Variants in GLRA3 observed in about 807,000 individuals in gnomAD.
GLRA3 encodes the protein glycine receptor subunit alpha-3.
Under a neutral mutation model 60.4 loss-of-function variants are expected in GLRA3, and 44 were observed. The ratio of observed to expected loss-of-function variants is 0.73; its 90% CI spans 0.57 to 0.94. The LOEUF (loss-of-function observed/expected upper bound fraction) is 0.94, where lower values mean the gene tolerates loss of function less well. GLRA3 is among the 40% of genes least tolerant of loss of function. The pLI is 0.00. For synonymous variants in GLRA3, 223 were observed against 192.9 expected (o/e 1.16, Z -1.29); for missense variants, 508 against 564.6 (o/e 0.90, Z 1.02).
chr4:174,653,376 T>A (rs28521813), intron 9 of GLRA3, among the ~76,000 whole-genome samples: 19,552 of 151,900 alleles, frequency 0.13, 2,243 homozygotes, highest in African/African-American at 0.3. Flanking sequence ...AAATGGAAGG[T>A]CTAAAATAAT....
In GLRA3 at chr4:174,692,166, G is replaced by A. The variant is rs887713008; in HGVS notation, c.575-9227C>T. Among the ~76,000 whole-genome samples, 8 of 151,864 alleles carry A rather than the reference G, an allele frequency of 5.3e-5. No homozygotes were observed. The East Asian group carries it at 1.6e-3, about 30-fold the overall frequency. ...AGCCCCTCCGCCCAGCAGCCACCCT[G>A]TCTGGGAAGTGAGGAGCGTCTCCAC... On this transcript the variant is annotated intron_variant, in intron 5 of 9. Coordinates refer to ENST00000274093, the MANE Select transcript of GLRA3 (RefSeq NM_006529.4).
At chr4:174,770,303 A>G (rs1324694152) in intron 2 of GLRA3, among the ~76,000 whole-genome samples, 10 of 152,150 alleles carry the variant, frequency 6.6e-5, no homozygotes, top group Non-Finnish European at 1.3e-4. Context: ...TATGGCATGC[A>G]ACCAAGGCAT....
intron 3 of GLRA3, among the ~76,000 whole-genome samples, chr4:174,750,514 G>C (rs868063460): frequency 6.6e-6 from 1 of 151,968 alleles, no homozygotes; most frequent in Non-Finnish European, 1.5e-5. Context: ...CATTTACCAA[G>C]GGATTAAGAT....
intron 5 of GLRA3, among the ~76,000 whole-genome samples, chr4:174,710,243 T>C (rs1735668884): frequency 1.3e-5 from 2 of 152,052 alleles, no homozygotes; most frequent in African/African-American, 4.8e-5. Context: ...ACTTCTAAGG[T>C]TGTGTCTCTA....
At position 174,764,799 on chromosome 4, in the gene GLRA3, T is replaced by C. The variant is rs889371309; in HGVS notation, c.267+2164A>G. Among the ~76,000 whole-genome samples, 3 of 152,098 alleles carry C rather than the reference T, an allele frequency of 2.0e-5. No individual in the cohort carries two copies. In the East Asian group the frequency reaches 5.8e-4, roughly 29 times the overall value. ...ATAGAAATATACTAACAAGTTCTAA[T>C]TTTCTTTGTGCCTATATAGATGAAC... is the stretch of plus-strand genomic sequence containing the variant. On this transcript the variant is annotated intron_variant, in intron 3 of 9. Transcript: ENST00000274093.
intron 7 of GLRA3, among the ~76,000 whole-genome samples, chr4:174,673,438 A>T (rs1733984978): frequency 6.6e-6 from 1 of 151,988 alleles, no homozygotes. Context: ...AAGAAGGAGG[A>T]TTTTCCATAT....
At chr4:174,821,961 T>G (rs976429996) in intron 1 of GLRA3, among the ~76,000 whole-genome samples, 8 of 152,218 alleles carry the variant, frequency 5.3e-5, no homozygotes, top group Admixed American at 5.2e-4. Flanking sequence ...AGATGTCATC[T>G]CAGTGCTTAT....
Position 174,710,988 on chromosome 4 carries a change from A to C in GLRA3, c.574+4500T>G, listed in dbSNP as rs140395667. Among the ~76,000 whole-genome samples the C allele has an allele frequency of 6.5e-3, 984 of 152,054 alleles. 3 individuals are homozygous for C. Among genetic ancestry groups the C allele is most frequent in the Non-Finnish European group, 8.0e-3 (546 of 67,950 alleles). ...AGAAATTTTGATATATTGTGCTTTC[A>C]TTGTAACTTAACATCAAGTTTTTCT... On this transcript the variant is annotated intron_variant, in intron 5 of 9. Coordinates refer to ENST00000274093, the MANE Select transcript of GLRA3 (RefSeq NM_006529.4).
At chr4:174,655,229 G>C (rs928253344) in intron 9 of GLRA3, among the ~76,000 whole-genome samples, 2 of 152,056 alleles carry the variant, frequency 1.3e-5, no homozygotes, top group African/African-American at 4.8e-5. Context: ...TACTCAGACT[G>C]TTTCTAAGCA....
At chr4:174,670,409 G>T (rs1205239220) in intron 7 of GLRA3, among the ~76,000 whole-genome samples, 1 of 152,070 alleles carries the variant, frequency 6.6e-6, no homozygotes, top group Non-Finnish European at 1.5e-5. Flanking sequence ...TGATTTTGGG[G>T]CAAAGTGCTT....
chr4:174,766,912 G>C lies in GLRA3; in HGVS notation c.267+51C>G, dbSNP rs777231361. The C allele has an allele frequency of 1.3e-4, 113 of 873,554 alleles. No individual in the cohort carries two copies. In the East Asian group the frequency reaches 2.8e-3, roughly 22 times the overall value. The allele number at this position is 873,554 out of a possible 1,614,324, so 54.1% of individuals were successfully genotyped here. ...AATTACATAAAATGTTGCCATTAATGTAATTACAGATTACTCTAGTGTGAA... is the reference window on the plus strand; with the variant it reads ...AATTACATAAAATGTTGCCATTAATCTAATTACAGATTACTCTAGTGTGAA... On this transcript the variant is annotated intron_variant, in intron 3 of 9. Transcript: ENST00000274093.
At chr4:174,801,337 AT>A (rs1739805831) in intron 1 of GLRA3, among the ~76,000 whole-genome samples, 1 of 152,084 alleles carries the variant, frequency 6.6e-6, no homozygotes, top group Non-Finnish European at 1.5e-5. Context: ...AGTTTCAGAC[AT>A]AGTATAGATT....
intron 5 of GLRA3, among the ~76,000 whole-genome samples, chr4:174,683,234 C>A (rs1016755376): frequency 1.3e-5 from 2 of 152,118 alleles, no homozygotes; most frequent in Non-Finnish European, 2.9e-5. Flanking sequence ...GGATGGGTAG[C>A]TACTAGATTA....
chr4:174,702,304 T>C (rs28539370), intron 5 of GLRA3, among the ~76,000 whole-genome samples: 1 of 152,220 alleles, frequency 6.6e-6, no homozygotes, highest in African/African-American at 2.4e-5. Context: ...ATAAAGTATT[T>C]AAAAATTAAG....
intron 2 of GLRA3, among the ~76,000 whole-genome samples, chr4:174,772,164 C>T (rs1476877343): frequency 6.6e-6 from 1 of 152,154 alleles, no homozygotes; most frequent in Non-Finnish European, 1.5e-5. Context: ...ATCATTTCCA[C>T]AGAAGAATAA....
chr4:174,659,219 A>T (rs1049948729), intron 7 of GLRA3, 22 bp from the exon 8 acceptor site: 1 of 1,593,950 alleles, frequency 6.3e-7, no homozygotes, highest in Non-Finnish European at 8.6e-7. Context: ...AGAAAGAGAA[A>T]GCAAGCAAAT....
rs186976893 is a variant in GLRA3, at chr4:174,721,493, C to G, written c.492-5923G>C. Among the ~76,000 whole-genome samples, 1,360 of 150,318 alleles carry G rather than the reference C, an allele frequency of 9.0e-3. 19 individuals are homozygous for G. The highest frequency in any genetic ancestry group is 0.031 in the African/African-American group (1,254 of 40,980). ...ATATAACATATATAACATATATAAA[C>G]AAGTAATAATTATGTTACAAATTTC... On this transcript the variant is annotated intron_variant, in intron 4 of 9. Transcript: ENST00000274093.
intron 3 of GLRA3, among the ~76,000 whole-genome samples, chr4:174,761,020 T>C (rs1334179683): frequency 1.3e-5 from 2 of 152,142 alleles, no homozygotes. Context: ...ACATACAGAA[T>C]GAACATTTAT....
At chr4:174,792,362 G>C (rs148957424) in intron 1 of GLRA3, among the ~76,000 whole-genome samples, 1 of 151,730 alleles carries the variant, frequency 6.6e-6, no homozygotes, top group South Asian at 2.1e-4. Context: ...TTTTCTTCAC[G>C]TGTGTCTGTT....
Sources: allele counts gnomAD v4.1 joint callset (sites outside exome capture counted in the v4.1 genomes callset), GRCh38; gene constraint gnomAD v4.1.1; transcripts MANE v1.5; gene names NCBI Gene and HGNC (gene_info 2026-07-23, HGNC 2026-07-21).